Variants in EMID1 observed in about 807,000 individuals in gnomAD.
The protein encoded by EMID1 is EMI domain containing 1, also known as EMI domain-containing protein 1.
Under a neutral mutation model 60.6 loss-of-function variants are expected in EMID1, and 40 were observed. That is an observed-to-expected ratio of 0.66 (90% CI 0.51 to 0.86). The LOEUF (loss-of-function observed/expected upper bound fraction) is 0.86, where lower values mean the gene tolerates loss of function less well. EMID1 is among the 40% of genes least tolerant of loss of function. The pLI, the probability that EMID1 is intolerant of heterozygous loss-of-function variation, is 0.00. For synonymous variants in EMID1, 242 were observed against 231.0 expected, an observed-to-expected ratio of 1.05 and a Z score of -0.43; for missense variants, 585 against 597.1, an observed-to-expected ratio of 0.98 and a Z score of 0.21.
At chr22:29,231,526 G>T (rs1264000262) in intron 6 of EMID1, 67 bp from the exon 7 acceptor site, 1 of 1,498,706 alleles carries the variant, frequency 6.7e-7, no homozygotes, top group Non-Finnish European at 9.1e-7. Context: ...CTGGTTGGGG[G>T]GCTGGGGCCA....
intron 13 of EMID1, among the ~76,000 whole-genome samples, chr22:29,246,612 G>A (rs1301251321): frequency 6.6e-6 from 1 of 152,140 alleles, no homozygotes; most frequent in Non-Finnish European, 1.5e-5. Context: ...AGCAGGCTGA[G>A]TTTTGTCTGT....
intron 3 of EMID1, chr22:29,216,761 G>T: frequency 4.3e-6 from 3 of 690,810 alleles, no homozygotes; most frequent in Non-Finnish European, 5.4e-6. Flanking sequence ...ATGGGGATGG[G>T]GTTCAGAACT....
Position 29,209,201 on chromosome 22 carries a change from G to A in EMID1, c.101+3062G>A, listed in dbSNP as rs886067086. On this transcript the variant is annotated intron_variant, in intron 1 of 14. Transcript: ENST00000334018. ...AGAGACAAAGTCCCCTGGGCCCCTC[G>A]TGGCAGGGGGTGGAGTGTGGGTGTA... is the stretch of plus-strand genomic sequence containing the variant. Among the ~76,000 whole-genome samples, 5 of 152,324 alleles carry A rather than the reference G, an allele frequency of 3.3e-5. 1 individual carries two copies. The highest frequency in any genetic ancestry group is 1.2e-4 in the African/African-American group (5 of 41,562).
intron 3 of EMID1, among the ~76,000 whole-genome samples, chr22:29,220,044 C>T (rs1354528458): frequency 6.6e-6 from 1 of 152,174 alleles, no homozygotes; most frequent in Non-Finnish European, 1.5e-5. Flanking sequence ...CACCTCCTGC[C>T]AGCCCATCCT....
intron 13 of EMID1, among the ~76,000 whole-genome samples, chr22:29,244,308 G>A (rs986584935): frequency 6.6e-6 from 1 of 151,958 alleles, no homozygotes; most frequent in Admixed American, 6.6e-5. Context: ...CTTCACAATC[G>A]TCCGGGATGC....
chr22:29,231,320 C>T, intron 6 of EMID1, 180 bp downstream of exon 6: 1 of 988,838 alleles, frequency 1.0e-6, no homozygotes, highest in African/African-American at 1.6e-5. Flanking sequence ...CTCCTGAATG[C>T]TGCAGTCCCT....
At chr22:29,225,378 G>A (rs2040465603) in intron 4 of EMID1, among the ~76,000 whole-genome samples, 162 bp downstream of exon 4, 1 of 152,192 alleles carries the variant, frequency 6.6e-6, no homozygotes, top group Admixed American at 6.5e-5. Flanking sequence ...TACAAAAGTT[G>A]CTTCAAGGGG....
chr22:29,216,345 G>C, intron 3 of EMID1: 1 of 985,456 alleles, frequency 1.0e-6, no homozygotes, highest in Non-Finnish European at 1.2e-6. Context: ...CTGCTGAGCA[G>C]CCCAGGCCTC....
Position 29,229,318 on chromosome 22 carries a change from G to A in EMID1, c.466-1702G>A, listed in dbSNP as rs115422980. ...AGCACCACTGCACTCTAGCCTGGAC[G>A]GCAGAGCTAGACCCTGTCTCTAAAA... On this transcript the variant is annotated intron_variant, in intron 5 of 14. Transcript: ENST00000334018. Among the ~76,000 whole-genome samples the A allele has an allele frequency of 4.1e-3, 629 of 151,926 alleles. 1 individual carries two copies. The highest frequency in any genetic ancestry group is 0.017 in the Middle Eastern group (5 of 294).
At chr22:29,226,183 C>T (rs1322290341) in intron 4 of EMID1, among the ~76,000 whole-genome samples, 1 of 152,212 alleles carries the variant, frequency 6.6e-6, no homozygotes, top group Admixed American at 6.5e-5. Context: ...GCCCCCGCCC[C>T]ATTGCCATTT....
At chr22:29,255,494 A>G (rs1410827960) in intron 14 of EMID1, 3 of 654,430 alleles carry the variant, frequency 4.6e-6, no homozygotes, top group African/African-American at 1.8e-5. Context: ...CCAGCCAGCC[A>G]GCAAATGGTG....
At chr22:29,212,049 G>A (rs926057020) in intron 1 of EMID1, among the ~76,000 whole-genome samples, 3 of 152,158 alleles carry the variant, frequency 2.0e-5, no homozygotes, top group South Asian at 4.1e-4. Context: ...GCAGTGGCAC[G>A]ATCTGGGCTC....
chr22:29,214,914 G>A lies in EMID1; in HGVS notation c.102-12G>A, dbSNP rs1300672410. 6.6e-7 allele frequency: 1 copy of A among 1,509,152 alleles called. No homozygotes were observed. The allele number at this position is 1,509,152 out of a possible 1,614,324, so 93.5% of individuals were successfully genotyped here. A position where few individuals can be genotyped will look rare whatever the true frequency, so the allele number is the denominator to read the frequency against. ...GTGGTACCTGAGTTTCCTCTCTTTG[G>A]GTCTGTTTCAGGAACTGGTGCTCCT... On this transcript the variant is annotated splice_polypyrimidine_tract_variant and intron_variant, in intron 1 of 14. Transcript: ENST00000334018.
At chr22:29,237,800 C>G (rs56167532) in intron 12 of EMID1, among the ~76,000 whole-genome samples, 12,261 of 140,518 alleles carry the variant, frequency 0.087, 1,917 homozygotes, top group African/African-American at 0.13. Context: ...GACTCCGTTT[C>G]AAAAAAAACA....
In EMID1 at chr22:29,215,536, T is replaced by C. The variant is rs768239626; in HGVS notation, c.225T>C (p.Thr75=). The change falls in exon 3 of 15, where the codon ACT becomes ACC. Residue 75 remains threonine, a synonymous_variant. Coordinates refer to ENST00000334018, the MANE Select transcript of EMID1 (RefSeq NM_133455.4). ...CTGGGGACTCTTTCAGCTACAGAAC[T>C]GTGGTGAGACCCACATACAAGGTGA... The part of the protein sequence containing the change: ...PMSCPGSSYR[T]VVRPTYKVMY... 1.2e-6 allele frequency: 2 copies of C among 1,613,992 alleles called. No individual in the cohort carries two copies. The highest frequency in any genetic ancestry group is 2.2e-5 in the South Asian group (2 of 91,080).
At chr22:29,221,444 G>A (rs1180881341) in intron 3 of EMID1, among the ~76,000 whole-genome samples, 3 of 152,138 alleles carry the variant, frequency 2.0e-5, no homozygotes, top group South Asian at 2.1e-4. Context: ...GCGCGATCTC[G>A]GCTCACTGCA....
At chr22:29,225,360 C>T in intron 4 of EMID1, 144 bp downstream of exon 4, 2 of 867,486 alleles carry the variant, frequency 2.3e-6, no homozygotes, top group Admixed American at 5.5e-5. Context: ...ACCCCATGCT[C>T]CCCAGGCTAC....
chr22:29,228,184 G>A (rs528451562), intron 5 of EMID1, among the ~76,000 whole-genome samples: 58 of 146,766 alleles, frequency 4.0e-4, no homozygotes, highest in Non-Finnish European at 5.3e-4. Flanking sequence ...AAAATGAGCC[G>A]AGTGTGGTGG....
intron 3 of EMID1, among the ~76,000 whole-genome samples, chr22:29,223,868 G>A (rs916136019): frequency 9.2e-5 from 14 of 152,242 alleles, no homozygotes; most frequent in Non-Finnish European, 1.9e-4. Context: ...GCCAGGGCCA[G>A]GGTAAATGCT....
Sources: gnomAD v4.1 joint callset for allele counts (sites outside exome capture counted in the v4.1 genomes callset) on GRCh38, gnomAD v4.1.1 for gene constraint, MANE v1.5 for transcripts, NCBI Gene and HGNC (gene_info 2026-07-23, HGNC 2026-07-21) for gene names.